Variants in FRY observed in about 807,000 individuals in gnomAD.
FRY encodes the protein protein furry homolog.
FRY carries 128 observed loss-of-function variants against 348.4 expected under a neutral mutation model. That is an observed-to-expected ratio of 0.37 (90% CI 0.32 to 0.43). The LOEUF is 0.43. Among genes scored for constraint, FRY ranks in the 20% least tolerant of loss-of-function variants. The pLI is 1.00. For missense variants in FRY, 2,736 were observed against 3,695.2 expected (o/e 0.74, Z 6.73); for synonymous variants, 1,370 against 1,374.7 (o/e 1.00, Z 0.08).
intron 14 of FRY, among the ~76,000 whole-genome samples, chr13:32,152,350 G>A (rs1593672459): frequency 6.6e-6 from 1 of 152,172 alleles, no homozygotes; most frequent in South Asian, 2.1e-4. Flanking sequence ...TAGAAGAGTA[G>A]CATGGCCTGA....
chr13:32,150,744 C>T (rs1246837943), intron 14 of FRY, among the ~76,000 whole-genome samples: 4 of 152,174 alleles, frequency 2.6e-5, no homozygotes, highest in African/African-American at 9.7e-5. Context: ...TCACCTGGCT[C>T]CTTCATTCTG....
chr13:32,250,376 A>AGATGTCAGAAACTGGATTCTT, intron 49 of FRY, among the ~76,000 whole-genome samples: 1 of 152,330 alleles, frequency 6.6e-6, no homozygotes, highest in Middle Eastern at 3.4e-3. Context: ...CCTAGTTCAC[A>AGATGTCAGAAACTGGATTCTT]GATGTCAGAA....
intron 18 of FRY, among the ~76,000 whole-genome samples, chr13:32,171,973 T>A (rs1289585992): frequency 6.6e-6 from 1 of 152,180 alleles, no homozygotes; most frequent in East Asian, 1.9e-4. Flanking sequence ...TGGATGTGGA[T>A]GTAGATAGGA....
Position 32,179,771 on chromosome 13 carries a change from T to C in FRY, c.2968T>C (p.Phe990Leu), listed in dbSNP as rs1227201402. ...IEITESLVLG[F>L]GRTNSLVFRE... ...GATCACAGAGTCCTTAGTTTTAGGA[T>C]TTGGAAGAACAAATTCCCTTGTTTT... The change falls in exon 23 of 61, where the codon TTT becomes CTT. Residue 990 changes from phenylalanine (F) to leucine (L), a missense_variant. By Grantham distance (22) the Phe-to-Leu change is conservative. Coordinates refer to ENST00000542859, the MANE Select transcript of FRY (RefSeq NM_023037.3). The C allele has an allele frequency of 6.2e-7, 1 of 1,613,720 alleles. No individual in the cohort carries two copies. The highest frequency in any genetic ancestry group is 8.5e-7 in the Non-Finnish European group (1 of 1,179,720).
intron 1 of FRY, among the ~76,000 whole-genome samples, chr13:32,060,680 G>A (rs1012816986): frequency 6.6e-5 from 10 of 152,284 alleles, no homozygotes; most frequent in Non-Finnish European, 1.2e-4. Context: ...AGGGGGCAGC[G>A]TGTGTATTTG....
chr13:32,052,372 CCT>C (rs1383387923), intron 1 of FRY, among the ~76,000 whole-genome samples: 2 of 152,034 alleles, frequency 1.3e-5, no homozygotes, highest in Admixed American at 6.5e-5. Context: ...AAAATTATTC[CCT>C]GTGTGTCTAA....
rs1476784469 is a variant in FRY at position 32,239,898 on chromosome 13, T to C, written c.6687+17T>C. 1.9e-6 allele frequency: 3 copies of C among 1,605,394 alleles called. No homozygotes were observed. The highest frequency in any genetic ancestry group is 1.3e-5 in the African/African-American group (1 of 74,652). ...CTGGCAGAGGTAAGCTTTTTTTTTT[T>C]GTTTTTTGAGACAGGGTCTCATTAT... On this transcript the variant is annotated intron_variant, in intron 46 of 60. Coordinates refer to ENST00000542859, the MANE Select transcript of FRY (RefSeq NM_023037.3). This position sits in a 1 kb window ranked among gnomAD's most constrained non-coding sequence, Gnocchi z 4.3.
At chr13:32,132,942 C>T (rs1879459510) in intron 8 of FRY, among the ~76,000 whole-genome samples, 1 of 152,044 alleles carries the variant, frequency 6.6e-6, no homozygotes, top group Admixed American at 6.5e-5. Context: ...ACACAAAAGG[C>T]CATGTATTAT....
At chr13:32,067,430 G>A (rs962467897) in intron 1 of FRY, among the ~76,000 whole-genome samples, 2 of 152,238 alleles carry the variant, frequency 1.3e-5, no homozygotes, top group African/African-American at 4.8e-5. Context: ...TCTGCCTGCA[G>A]TTTAGGGAGT....
At chr13:32,140,820 T>C (rs1880017921) in intron 11 of FRY, among the ~76,000 whole-genome samples, 2 of 152,182 alleles carry the variant, frequency 1.3e-5, no homozygotes, top group Admixed American at 1.3e-4. Flanking sequence ...AATGCTTTTT[T>C]CAACTTTTCA....
At chr13:32,276,182 ATATCT>A (rs1888526318) in intron 56 of FRY, among the ~76,000 whole-genome samples, 1 of 152,234 alleles carries the variant, frequency 6.6e-6, no homozygotes, top group African/African-American at 2.4e-5. Flanking sequence ...AATGGAAAAC[ATATCT>A]TAGTGTGGGC....
In FRY at chr13:32,208,755, C is replaced by T. The variant is rs182740653; in HGVS notation, c.4019-98C>T. The T allele has an allele frequency of 1.0e-3, 1,467 of 1,409,764 alleles. 10 individuals are homozygous for T. The highest frequency in any genetic ancestry group is 2.4e-3 in the South Asian group (206 of 86,490). 87.3% of individuals were successfully genotyped at this position (1,409,764 alleles called of 1,614,324 possible). A position where few individuals can be genotyped will look rare whatever the true frequency, so the allele number is the denominator to read the frequency against. On this transcript the variant is annotated intron_variant, in intron 31 of 60. Coordinates refer to ENST00000542859, the MANE Select transcript of FRY (RefSeq NM_023037.3). Reference sequence around the variant, plus strand: ...CCTGTATGTGAAAATGTTTTGTAAACGTAGGACACTGTTCAGTCTGCAAGT... The same window carrying T: ...CCTGTATGTGAAAATGTTTTGTAAATGTAGGACACTGTTCAGTCTGCAAGT...
intron 2 of FRY, among the ~76,000 whole-genome samples, chr13:32,097,317 T>C (rs1876802856): frequency 6.6e-6 from 1 of 152,018 alleles, no homozygotes; most frequent in Non-Finnish European, 1.5e-5. Flanking sequence ...TTCTAGTATG[T>C]ATAAAAGAAG....
chr13:32,127,553 G>A (rs545711818), intron 7 of FRY, among the ~76,000 whole-genome samples: 10 of 152,222 alleles, frequency 6.6e-5, no homozygotes, highest in Admixed American at 4.6e-4. Flanking sequence ...CAAGGTGGGC[G>A]GATCACAAGG....
intron 3 of FRY, among the ~76,000 whole-genome samples, chr13:32,111,224 A>G (rs912457412): frequency 6.6e-6 from 1 of 152,008 alleles, no homozygotes; most frequent in African/African-American, 2.4e-5. Flanking sequence ...GCAGTGGTTC[A>G]CTCCTATAAT....
intron 51 of FRY, among the ~76,000 whole-genome samples, chr13:32,256,919 C>G (rs1887368750): frequency 6.6e-6 from 1 of 152,186 alleles, no homozygotes; most frequent in African/African-American, 2.4e-5. Flanking sequence ...GATTCCACAT[C>G]TGACCTCATG....
intron 1 of FRY, among the ~76,000 whole-genome samples, chr13:32,038,033 T>C (rs1321283059): frequency 1.3e-5 from 2 of 152,192 alleles, no homozygotes; most frequent in African/African-American, 4.8e-5. Flanking sequence ...GCTTTGTAGT[T>C]TGCTCAGCAC....
At chr13:32,080,431 G>A (rs149274532) in intron 2 of FRY, among the ~76,000 whole-genome samples, 146 of 152,310 alleles carry the variant, frequency 9.6e-4, no homozygotes, top group Non-Finnish European at 1.0e-3. Context: ...TTGGCACAGA[G>A]AAAGTTAAGT....
chr13:32,218,733 G>T lies in FRY; in HGVS notation c.4683-16G>T. On this transcript the variant is annotated splice_polypyrimidine_tract_variant and intron_variant, in intron 35 of 60. Transcript: ENST00000542859. Reference sequence around the variant, plus strand: ...CACATGTTAATATTTCATTCTGGTTGTTCTTGTATTTGAAGGTTTAGTAAT... The same window carrying T: ...CACATGTTAATATTTCATTCTGGTTTTTCTTGTATTTGAAGGTTTAGTAAT... The T allele has an allele frequency of 7.1e-7, 1 of 1,409,150 alleles. No individual in the cohort carries two copies. The highest frequency in any genetic ancestry group is 1.0e-6 in the Non-Finnish European group (1 of 999,328). 87.3% of individuals were successfully genotyped at this position (1,409,150 alleles called of 1,614,324 possible).
Sources: allele counts gnomAD v4.1 joint callset (sites outside exome capture counted in the v4.1 genomes callset), GRCh38; gene constraint gnomAD v4.1.1; non-coding constraint Gnocchi (gnomAD v3.1); transcripts MANE v1.5; gene names NCBI Gene and HGNC (gene_info 2026-07-23, HGNC 2026-07-21).